TRMT11: variants seen among roughly 807,000 people sequenced by gnomAD.
TRMT11 encodes tRNA (guanine(10)-N(2))-methyltransferase TRMT11.
TRMT11 carries 53 observed loss-of-function variants against 62.8 expected under a neutral mutation model. That is an observed-to-expected ratio of 0.84 (90% CI 0.68 to 1.06). The LOEUF (loss-of-function observed/expected upper bound fraction) is 1.06, where lower values mean the gene tolerates loss of function less well. Ranked by LOEUF, TRMT11 falls within the 50% of genes least tolerant of loss-of-function variation. The probability of loss-of-function intolerance (pLI) is 0.00; values close to 1 mark genes in which losing one functional copy is unlikely to be tolerated. For synonymous variants in TRMT11, 188 were observed against 190.3 expected (o/e 0.99, Z 0.10); for missense variants, 556 against 553.4 (o/e 1.00, Z -0.05).
downstream of TRMT11, among the ~76,000 whole-genome samples, chr6:126,205,943 G>A (rs73771413): frequency 0.016 from 2,446 of 150,336 alleles, 59 homozygotes; most frequent in African/African-American, 0.054. Context: ...ACACACATGC[G>A]CGCACACACA....
At chr6:126,085,256 C>T (rs951662316) in intron 17 of TRMT11, among the ~76,000 whole-genome samples, 1 of 152,108 alleles carries the variant, frequency 6.6e-6, no homozygotes, top group African/African-American at 2.4e-5. Context: ...AATTATTCCC[C>T]TAAAAATGTT....
chr6:126,156,382 A>G (rs1316507104), intron 21 of TRMT11, among the ~76,000 whole-genome samples: 1 of 152,142 alleles, frequency 6.6e-6, no homozygotes. Flanking sequence ...GGCAACACCC[A>G]TATAGCAGGC....
At chr6:126,242,404 T>C in the TRMT11 span, among the ~76,000 whole-genome samples, 2 of 152,152 alleles carry the variant, frequency 1.3e-5, no homozygotes, top group African/African-American at 4.8e-5. Flanking sequence ...AAGCTACCAA[T>C]GACTTTCTTC....
rs1183322454 is a variant in TRMT11 at position 126,171,910 on chromosome 6, G to A, written c.*1824-2915G>A. On this transcript the variant is annotated intron_variant and NMD_transcript_variant, in intron 21 of 22. Transcript: ENST00000648977. ...AATTTTTGTATTTTTAGTAGAGAAA[G>A]GTTTCATCATATTGGCTAGGCTGGT... 2.0e-5 allele frequency among the ~76,000 whole-genome samples: 3 copies of A among 151,992 alleles called. No homozygotes were observed. In the East Asian group the frequency reaches 5.8e-4, roughly 29 times the overall value.
chr6:126,262,410 G>T, the TRMT11 span, among the ~76,000 whole-genome samples: 2 of 152,140 alleles, frequency 1.3e-5, no homozygotes, highest in African/African-American at 4.8e-5. Flanking sequence ...CCAGAGTCTT[G>T]GTTGTTCATA....
At chr6:126,182,392 G>C (rs1778477478) in intron 1 of TRMT11, among the ~76,000 whole-genome samples, 2 of 151,940 alleles carry the variant, frequency 1.3e-5, no homozygotes. Context: ...ACTTCTTGGT[G>C]GTCGTTTCTT....
intron 17 of TRMT11, among the ~76,000 whole-genome samples, chr6:126,103,679 G>T (rs2128180873): frequency 6.6e-6 from 1 of 152,266 alleles, no homozygotes; most frequent in African/African-American, 2.4e-5. Context: ...AGCAATTATT[G>T]GCTGCCCCTT....
At position 126,152,899 on chromosome 6, in the gene TRMT11, T is replaced by C. The variant is rs182239514; in HGVS notation, c.*1824-21926T>C. ...GTAGGAATCCAACCTGAGGCAGTTATGGGAGAGACTGTAAATTCCCACACT... is the reference window on the plus strand; with the variant it reads ...GTAGGAATCCAACCTGAGGCAGTTACGGGAGAGACTGTAAATTCCCACACT... On this transcript the variant is annotated intron_variant and NMD_transcript_variant, in intron 21 of 22. Transcript: ENST00000648977. Among the ~76,000 whole-genome samples, 20 of 152,324 alleles carry C rather than the reference T, an allele frequency of 1.3e-4. No homozygotes were observed. The East Asian group carries it at 3.1e-3, about 24-fold the overall frequency.
chr6:126,244,436 A>G, the TRMT11 span, among the ~76,000 whole-genome samples: 1 of 152,128 alleles, frequency 6.6e-6, no homozygotes, highest in Non-Finnish European at 1.5e-5. Context: ...AAGGGCAAAG[A>G]TTTCCTACTG....
intron 21 of TRMT11, among the ~76,000 whole-genome samples, chr6:126,127,088 C>T (rs1007493604): frequency 6.6e-5 from 10 of 152,056 alleles, no homozygotes; most frequent in African/African-American, 2.2e-4. Context: ...GGTTGATGAC[C>T]GGTCTCCTTC....
intron 21 of TRMT11, among the ~76,000 whole-genome samples, chr6:126,158,754 A>G (rs186467567): frequency 1.3e-5 from 2 of 152,254 alleles, no homozygotes; most frequent in Non-Finnish European, 2.9e-5. Flanking sequence ...GAAAAAAGCA[A>G]TTTCTGTGGC....
chr6:126,199,727 T>C (rs915181100), intron 2 of TRMT11: 3 of 152,238 alleles, frequency 2.0e-5, no homozygotes, highest in Admixed American at 2.0e-4. Context: ...TGCTAATGTA[T>C]GTCTTGAAGT....
downstream of TRMT11, among the ~76,000 whole-genome samples, chr6:126,208,287 A>G (rs1778807976): frequency 6.6e-6 from 1 of 152,184 alleles, no homozygotes; most frequent in Non-Finnish European, 1.5e-5. Context: ...TTAGGAGACA[A>G]TCTCAGCAAG....
chr6:126,008,645 C>T (rs762338851), intron 8 of TRMT11, 173 bp downstream of exon 8: 10 of 713,042 alleles, frequency 1.4e-5, no homozygotes, highest in Middle Eastern at 2.3e-4. Flanking sequence ...TCCACTTCCT[C>T]TTCCTCCTCA....
chr6:126,220,756 A>G, the TRMT11 span, among the ~76,000 whole-genome samples: 1 of 147,074 alleles, frequency 6.8e-6, no homozygotes, highest in Non-Finnish European at 1.5e-5. Flanking sequence ...CTGGATGTCT[A>G]TTTTTTTTTT....
chr6:126,016,379 C>T (rs908399136), intron 11 of TRMT11, among the ~76,000 whole-genome samples: 10 of 152,156 alleles, frequency 6.6e-5, no homozygotes, highest in South Asian at 2.1e-4. Flanking sequence ...CTCTTCTGTC[C>T]TTTTGAAATA....
intron 1 of TRMT11, among the ~76,000 whole-genome samples, chr6:126,185,534 A>G (rs1431597263): frequency 6.6e-6 from 1 of 152,130 alleles, no homozygotes; most frequent in African/African-American, 2.4e-5. Flanking sequence ...TAATTTTTAA[A>G]TATTCTCTCA....
At chr6:126,109,264 C>T (rs1777499393) in intron 17 of TRMT11, among the ~76,000 whole-genome samples, 1 of 152,156 alleles carries the variant, frequency 6.6e-6, no homozygotes, top group Non-Finnish European at 1.5e-5. Flanking sequence ...AGGGGATGTT[C>T]AGGGACCAAT....
the TRMT11 span, among the ~76,000 whole-genome samples, chr6:126,248,093 G>A: frequency 6.6e-5 from 10 of 151,910 alleles, no homozygotes; most frequent in Admixed American, 1.3e-4. Flanking sequence ...ATAAGTAAAC[G>A]CCCAGCCAAA....
Sources: allele counts gnomAD v4.1 joint callset (sites outside exome capture counted in the v4.1 genomes callset), GRCh38; gene constraint gnomAD v4.1.1; transcripts MANE v1.5; gene names NCBI Gene and HGNC (gene_info 2026-07-23, HGNC 2026-07-21).